Variants in QRSL1 observed in about 807,000 individuals in gnomAD.
The protein encoded by QRSL1 is glutaminyl-tRNA amidotransferase subunit QRSL1, also known as glutamyl-tRNA(Gln) amidotransferase subunit A, mitochondrial.
QRSL1 carries 54 observed loss-of-function variants against 61.6 expected under a neutral mutation model. That is an observed-to-expected ratio of 0.88 (90% confidence interval 0.70 to 1.10). The LOEUF (loss-of-function observed/expected upper bound fraction) is 1.10, where lower values mean the gene tolerates loss of function less well. Ranked by LOEUF, QRSL1 falls within the 50% of genes least tolerant of loss-of-function variation. QRSL1 has a pLI of 0.00. For synonymous variants in QRSL1, 228 were observed against 225.7 expected (o/e 1.01, Z -0.09); for missense variants, 505 against 622.6 (o/e 0.81, Z 2.01).
intron 3 of QRSL1, chr6:106,642,784 T>G (rs1777043018): frequency 1.3e-6 from 1 of 742,458 alleles, no homozygotes; most frequent in Non-Finnish European, 2.5e-6. Flanking sequence ...AGGAAAATGA[T>G]GAGGAAAAGA....
rs1454842303 is a variant in QRSL1 at position 106,660,356 on chromosome 6, G to GT, written c.1161-2623dup. Among the ~76,000 whole-genome samples, 3 of 144,704 alleles carry GT rather than the reference G, an allele frequency of 2.1e-5. No individual in the cohort carries two copies. The Admixed American group carries it at 2.2e-4, about 10-fold the overall frequency. 94.9% of individuals were successfully genotyped at this position (144,704 alleles called of 152,430 possible). On this transcript the variant is annotated intron_variant, in intron 9 of 10. Coordinates refer to ENST00000369046, the MANE Select transcript of QRSL1 (RefSeq NM_018292.5). ...CCCCCCCCGTGAAGCTAGGACTACT[G>GT]TAGTTTTTTTTGTAGAGACAGGATC...
At chr6:106,654,681 A>T (rs759238000) in intron 7 of QRSL1, 49 bp from the exon 8 acceptor site, 1 of 1,479,638 alleles carries the variant, frequency 6.8e-7, no homozygotes, top group Admixed American at 2.3e-5. Context: ...AAATTTTTAT[A>T]AAATAATCTA....
At chr6:106,637,764 G>T (rs1408550210) in intron 1 of QRSL1, among the ~76,000 whole-genome samples, 3 of 152,172 alleles carry the variant, frequency 2.0e-5, no homozygotes, top group Non-Finnish European at 4.4e-5. Flanking sequence ...TTTATATTCA[G>T]ATTTGACACC....
intron 5 of QRSL1, among the ~76,000 whole-genome samples, chr6:106,649,679 A>G (rs996081218): frequency 1.6e-4 from 24 of 152,336 alleles, no homozygotes; most frequent in Non-Finnish European, 7.4e-5. Context: ...TATTTTAAAT[A>G]GTGTTTTCAG....
At chr6:106,665,165 T>C (rs1777411350) in intron 10 of QRSL1, among the ~76,000 whole-genome samples, 1 of 152,234 alleles carries the variant, frequency 6.6e-6, no homozygotes, top group Admixed American at 6.5e-5. Context: ...ACTTGTTTTA[T>C]TGTATAACAA....
intron 4 of QRSL1, among the ~76,000 whole-genome samples, chr6:106,645,526 G>C (rs7761751): frequency 0.019 from 2,901 of 152,004 alleles, 76 homozygotes; most frequent in African/African-American, 0.068. Flanking sequence ...GGGTTCAAGA[G>C]ATTCTCCTGC....
intron 3 of QRSL1, among the ~76,000 whole-genome samples, chr6:106,641,482 G>A (rs1459364796): frequency 6.6e-6 from 1 of 152,152 alleles, no homozygotes; most frequent in Non-Finnish European, 1.5e-5. Flanking sequence ...TTGTAGCACA[G>A]TATGGCAATG....
intron 1 of QRSL1, among the ~76,000 whole-genome samples, chr6:106,638,794 G>T (rs1776962835): frequency 6.6e-6 from 1 of 152,074 alleles, no homozygotes; most frequent in Admixed American, 6.5e-5. Context: ...ACTGCTTGTT[G>T]CATTTAAAAC....
At chr6:106,651,316 A>G (rs12333016) in intron 5 of QRSL1, among the ~76,000 whole-genome samples, 11,801 of 152,224 alleles carry the variant, frequency 0.078, 540 homozygotes, top group East Asian at 0.11. Flanking sequence ...ATGTATAAAT[A>G]AGTGTGCAAA....
chr6:106,632,246 A>G (rs529890406), intron 1 of QRSL1, among the ~76,000 whole-genome samples: 6 of 152,336 alleles, frequency 3.9e-5, no homozygotes, highest in African/African-American at 1.4e-4. Context: ...AATCTTGGCT[A>G]TTGTGAATAG....
chr6:106,652,708 T>C (rs1303789742), intron 7 of QRSL1, 126 bp downstream of exon 7: 4 of 1,552,134 alleles, frequency 2.6e-6, no homozygotes, highest in East Asian at 2.4e-5. Context: ...GTGAGTTGAG[T>C]ATGTGACTTA....
rs756276347 is a variant in QRSL1, at chr6:106,643,095, G to C, written c.380+5G>C. 6.4e-7 allele frequency: 1 copy of C among 1,570,244 alleles called. No individual in the cohort carries two copies. The highest frequency in any genetic ancestry group is 8.7e-7 in the Non-Finnish European group (1 of 1,146,906). On this transcript the variant is annotated splice_donor_5th_base_variant and intron_variant, in intron 4 of 10. Transcript: ENST00000369046. ...TTTAGATGAGTTTGCTATGGGGTAA[G>C]TAAAATTGAAATCTTCTCTTGAGTT...
chr6:106,667,403 T>C lies in QRSL1; in HGVS notation c.*1401T>C, dbSNP rs1777454714. 6.6e-6 allele frequency: 1 copy of C among 152,214 alleles called. No individual in the cohort carries two copies. Among genetic ancestry groups the C allele is most frequent in the Non-Finnish European group, 1.5e-5 (1 of 68,040 alleles). 9.4% of individuals were successfully genotyped at this position (152,214 alleles called of 1,614,324 possible). On this transcript the variant is annotated 3_prime_UTR_variant, in exon 11 of 11. Coordinates refer to ENST00000369046, the MANE Select transcript of QRSL1 (RefSeq NM_018292.5). ...ACCATCCATTTACTCATGATAAGGC[T>C]TCATCACTGGATTTCTGTGTCTTCA...
chr6:106,667,048 T>C lies in QRSL1; in HGVS notation c.*1046T>C, dbSNP rs1777448325. The C allele has an allele frequency of 6.6e-6, 1 of 152,206 alleles. No homozygotes were observed. The highest frequency in any genetic ancestry group is 2.4e-5 in the African/African-American group (1 of 41,450). The allele number at this position is 152,206 out of a possible 1,614,324, so 9.4% of individuals were successfully genotyped here. On this transcript the variant is annotated 3_prime_UTR_variant, in exon 11 of 11. Transcript: ENST00000369046. ...CTGAGTTCATGCTCCTATTTACTGA[T>C]CACAAATGAGCTCATTAATGTCATC...
rs147887030 is a variant in QRSL1 at position 106,660,699 on chromosome 6, G to A, written c.1161-2281G>A. Among the ~76,000 whole-genome samples the A allele has an allele frequency of 8.1e-3, 1,225 of 151,970 alleles. 12 individuals are homozygous for A. The highest frequency in any genetic ancestry group is 0.028 in the African/African-American group (1,160 of 41,436). ...TGAGACTGGGTGATTTATAATGAAC[G>A]GAGATTTACTGGCTCACAGTTCTGG... is the stretch of plus-strand genomic sequence containing the variant. On this transcript the variant is annotated intron_variant, in intron 9 of 10. Transcript: ENST00000369046.
intron 5 of QRSL1, among the ~76,000 whole-genome samples, chr6:106,651,645 A>C (rs1211091889): frequency 6.6e-6 from 1 of 152,212 alleles, no homozygotes; most frequent in African/African-American, 2.4e-5. Context: ...TTAAATTATT[A>C]AACATCTCAA....
chr6:106,643,514 T>C (rs575227549), intron 4 of QRSL1, among the ~76,000 whole-genome samples: 9 of 152,178 alleles, frequency 5.9e-5, no homozygotes, highest in Admixed American at 5.2e-4. Context: ...ACCCCGTCTC[T>C]ACTAAAAACA....
intron 7 of QRSL1, 95 bp from the exon 8 acceptor site, chr6:106,654,635 C>A: frequency 8.9e-7 from 1 of 1,120,960 alleles, no homozygotes. Flanking sequence ...TCCTGAAGTA[C>A]AGATTTTTAT....
intron 3 of QRSL1, 81 bp from the exon 4 acceptor site, chr6:106,642,913 T>A: frequency 1.0e-6 from 1 of 1,004,104 alleles, no homozygotes; most frequent in South Asian, 1.4e-5. Context: ...CTATTCCCTG[T>A]GAATTCATGG....
Sources: gnomAD v4.1 joint callset for allele counts (sites outside exome capture counted in the v4.1 genomes callset) on GRCh38, gnomAD v4.1.1 for gene constraint, MANE v1.5 for transcripts, NCBI Gene and HGNC (gene_info 2026-07-23, HGNC 2026-07-21) for gene names.